The following CCSER1 variants were observed in gnomAD, a reference collection of about 807,000 sequenced individuals.
CCSER1 encodes coiled-coil serine rich protein 1.
In CCSER1, 41 loss-of-function variants were observed where a neutral mutation model predicts 82.0. The ratio of observed to expected loss-of-function variants is 0.50; its 90% CI spans 0.39 to 0.65. CCSER1 has a LOEUF of 0.65. Among genes scored for constraint, CCSER1 ranks in the 30% least tolerant of loss-of-function variants. The pLI is 0.00. For synonymous variants in CCSER1, 414 were observed against 383.9 expected, an observed-to-expected ratio of 1.08 and a Z score of -0.92; for missense variants, 1,119 against 1,064.2, an observed-to-expected ratio of 1.05 and a Z score of -0.72.
chr4:90,736,132 A>G (rs745626689), intron 7 of CCSER1, among the ~76,000 whole-genome samples: 33 of 152,140 alleles, frequency 2.2e-4, no homozygotes, highest in Non-Finnish European at 4.7e-4. Context: ...CATATGGTCT[A>G]TCCTTGAGAG....
At chr4:90,749,624 T>C (rs1458178705) in intron 7 of CCSER1, among the ~76,000 whole-genome samples, 2 of 152,110 alleles carry the variant, frequency 1.3e-5, no homozygotes, top group Admixed American at 6.6e-5. Context: ...TAAATTACCT[T>C]GGGCAGTATG....
chr4:90,445,625 A>T (rs923163970), intron 4 of CCSER1, among the ~76,000 whole-genome samples: 8 of 152,246 alleles, frequency 5.3e-5, no homozygotes, highest in African/African-American at 1.9e-4. Flanking sequence ...AAAATCTGTT[A>T]GTAAAGTATG....
intron 1 of CCSER1, among the ~76,000 whole-genome samples, chr4:90,185,455 A>C (rs1734445626): frequency 6.6e-6 from 1 of 152,094 alleles, no homozygotes; most frequent in Admixed American, 6.6e-5. Context: ...TCTTTGAAAA[A>C]GAAGTCAAAT....
intron 9 of CCSER1, among the ~76,000 whole-genome samples, chr4:90,928,367 A>G (rs904831662): frequency 1.3e-5 from 2 of 152,088 alleles, no homozygotes; most frequent in Non-Finnish European, 2.9e-5. Context: ...TAAGGGCATC[A>G]CTTTTGAAAA....
intron 5 of CCSER1, among the ~76,000 whole-genome samples, chr4:90,591,898 G>A (rs1207309086): frequency 2.0e-5 from 3 of 152,142 alleles, no homozygotes; most frequent in African/African-American, 4.8e-5. Context: ...CATGGATGAA[G>A]CTGGACACCA....
At chr4:91,044,400 C>G in intron 9 of CCSER1, among the ~76,000 whole-genome samples, 1 of 152,240 alleles carries the variant, frequency 6.6e-6, no homozygotes, top group South Asian at 2.1e-4. Flanking sequence ...GGCTTTGCAG[C>G]GCACAAAATG....
At chr4:90,899,336 G>T (rs894287018) in intron 8 of CCSER1, among the ~76,000 whole-genome samples, 1 of 151,928 alleles carries the variant, frequency 6.6e-6, no homozygotes, top group African/African-American at 2.4e-5. Flanking sequence ...CATTGATCAG[G>T]TCTAGGCATT....
intron 8 of CCSER1, among the ~76,000 whole-genome samples, chr4:90,859,722 G>A (rs10022731): frequency 0.22 from 32,687 of 151,530 alleles, 3,732 homozygotes; most frequent in South Asian, 0.27. Context: ...ATAAAGTTAA[G>A]TGTACCAAAG....
At chr4:91,092,030 G>A (rs1724012626) in intron 10 of CCSER1, among the ~76,000 whole-genome samples, 1 of 152,096 alleles carries the variant, frequency 6.6e-6, no homozygotes, top group Non-Finnish European at 1.5e-5. Context: ...TTTCATAAGG[G>A]GAGTATCCTG....
chr4:91,363,339 G>A (rs886948325), intron 10 of CCSER1, among the ~76,000 whole-genome samples: 3 of 143,510 alleles, frequency 2.1e-5, no homozygotes, highest in African/African-American at 7.8e-5. Flanking sequence ...ATTGATTGAA[G>A]CATAGGATGG....
At chr4:91,164,562 T>C (rs978352834) in intron 10 of CCSER1, among the ~76,000 whole-genome samples, 1 of 152,222 alleles carries the variant, frequency 6.6e-6, no homozygotes, top group South Asian at 2.1e-4. Flanking sequence ...CACTTTGAAG[T>C]ATACCAATCA....
intron 10 of CCSER1, among the ~76,000 whole-genome samples, chr4:91,419,267 C>G (rs1004498440): frequency 4.6e-5 from 7 of 151,896 alleles, no homozygotes; most frequent in Admixed American, 2.6e-4. Flanking sequence ...AGAAGGCATT[C>G]AAATTGGAAA....
chr4:90,492,832 A>G (rs1212910435), intron 5 of CCSER1, among the ~76,000 whole-genome samples: 2 of 152,072 alleles, frequency 1.3e-5, no homozygotes, highest in Non-Finnish European at 2.9e-5. Context: ...AGCAGTTTTG[A>G]GTGAGTTTCT....
chr4:90,131,228 G>A (rs1002223842), intron 1 of CCSER1, among the ~76,000 whole-genome samples: 3 of 152,066 alleles, frequency 2.0e-5, no homozygotes, highest in South Asian at 2.1e-4. Flanking sequence ...CTCGAACTCC[G>A]GACCTCAGTT....
chr4:91,465,220 A>G (rs558756872), intron 10 of CCSER1, among the ~76,000 whole-genome samples: 1 of 152,228 alleles, frequency 6.6e-6, no homozygotes, highest in East Asian at 1.9e-4. Flanking sequence ...ACCCCTCAAC[A>G]ACATGGAAAC....
chr4:90,324,611 T>G (rs545151376), intron 3 of CCSER1, among the ~76,000 whole-genome samples: 2,174 of 150,308 alleles, frequency 0.014, 37 homozygotes, highest in South Asian at 0.072. Flanking sequence ...TTTCTCCCAT[T>G]TTGTAGGTTG....
chr4:91,212,411 C>A (rs1736891144), intron 10 of CCSER1, among the ~76,000 whole-genome samples: 1 of 151,878 alleles, frequency 6.6e-6, no homozygotes, highest in African/African-American at 2.4e-5. Flanking sequence ...CTAATGCCAT[C>A]CCTCAGTGTT....
At chr4:91,112,821 C>T (rs1726204528) in intron 10 of CCSER1, 1 of 152,296 alleles carries the variant, frequency 6.6e-6, no homozygotes, top group South Asian at 2.1e-4. Context: ...AATTACAAGA[C>T]ATTTTCATGG....
intron 6 of CCSER1, among the ~76,000 whole-genome samples, chr4:90,638,990 T>G (rs1725978304): frequency 6.6e-6 from 1 of 152,092 alleles, no homozygotes; most frequent in Non-Finnish European, 1.5e-5. Flanking sequence ...AACTACCTCA[T>G]AGGATTATTT....
Sources: allele counts gnomAD v4.1 joint callset (sites outside exome capture counted in the v4.1 genomes callset), GRCh38; gene constraint gnomAD v4.1.1; transcripts MANE v1.5; gene names NCBI Gene and HGNC (gene_info 2026-07-23, HGNC 2026-07-21).